The following ELOVL6 variants were observed in gnomAD, a reference collection of about 807,000 sequenced individuals.
The protein encoded by ELOVL6 is ELOVL fatty acid elongase 6.
Under a neutral mutation model 31.7 loss-of-function variants are expected in ELOVL6, and 8 were observed. The ratio of observed to expected loss-of-function variants is 0.25; its 90% CI spans 0.15 to 0.45. The LOEUF (loss-of-function observed/expected upper bound fraction) is 0.45. Ranked by LOEUF, ELOVL6 falls within the 20% of genes least tolerant of loss-of-function variation. ELOVL6 has a pLI of 1.00. For missense variants in ELOVL6, 126 were observed against 326.4 expected (o/e 0.39, Z 4.73); for synonymous variants, 101 against 117.7 (o/e 0.86, Z 0.92).
intron 1 of ELOVL6, among the ~76,000 whole-genome samples, chr4:110,164,284 G>A (rs1325646397): frequency 6.6e-6 from 1 of 152,186 alleles, no homozygotes; most frequent in Non-Finnish European, 1.5e-5. Flanking sequence ...ACAGGTCCCA[G>A]AGTTTGATAC....
chr4:110,184,184 C>T (rs965257671), intron 1 of ELOVL6, among the ~76,000 whole-genome samples: 1 of 152,134 alleles, frequency 6.6e-6, no homozygotes, highest in Non-Finnish European at 1.5e-5. Context: ...AGGGACTGGA[C>T]AATCTCCCAT....
intron 1 of ELOVL6, among the ~76,000 whole-genome samples, chr4:110,182,925 A>G (rs1759332644): frequency 6.6e-6 from 1 of 152,010 alleles, no homozygotes; most frequent in Non-Finnish European, 1.5e-5. Flanking sequence ...AAAAATGAAA[A>G]CTGGAACAGC....
chr4:110,083,050 TTG>T (rs1216911425), intron 2 of ELOVL6, among the ~76,000 whole-genome samples: 10 of 151,746 alleles, frequency 6.6e-5, no homozygotes, highest in African/African-American at 2.4e-4. Context: ...TTTAATTAGG[TTG>T]TTTCTCTCTG....
intron 1 of ELOVL6, among the ~76,000 whole-genome samples, chr4:110,122,651 T>A (rs1361556735): frequency 1.3e-5 from 2 of 152,192 alleles, no homozygotes; most frequent in Non-Finnish European, 2.9e-5. Context: ...GTGCTGGGAT[T>A]ACAGGTGTGA....
At chr4:110,094,422 TATATATATATATATATATATA>T (rs1313710358) in intron 2 of ELOVL6, among the ~76,000 whole-genome samples, 1 of 61,178 alleles carries the variant, frequency 1.6e-5, no homozygotes, top group African/African-American at 6.1e-5. Context: ...TATATATATA[TATATATATATATATATATATA>T]ATATATATAA....
intron 1 of ELOVL6, among the ~76,000 whole-genome samples, chr4:110,129,301 G>C (rs922775214): frequency 6.6e-6 from 1 of 152,122 alleles, no homozygotes; most frequent in South Asian, 2.1e-4. Flanking sequence ...TGAGAAACAG[G>C]GTGTTCCCTA....
intron 2 of ELOVL6, 109 bp downstream of exon 2, chr4:110,105,388 A>G: frequency 8.6e-7 from 1 of 1,161,980 alleles, no homozygotes; most frequent in South Asian, 1.5e-5. Flanking sequence ...TGTCCTCATC[A>G]TATTCAATAA....
Position 110,047,688 on chromosome 4 carries a change from G to A in ELOVL6, c.*3650C>T, listed in dbSNP as rs1292754586. ...GTGGATCCCCTGAGGTCAGGAGCTC[G>A]AGACCAGCCTGGCCAACATGGTGAA... On this transcript the variant is annotated 3_prime_UTR_variant, in exon 4 of 4. Coordinates refer to ENST00000302274, the MANE Select transcript of ELOVL6 (RefSeq NM_024090.3). 1.3e-5 allele frequency: 2 copies of A among 152,086 alleles called. No individual in the cohort carries two copies. The highest frequency in any genetic ancestry group is 1.5e-5 in the Non-Finnish European group (1 of 68,056). 9.4% of individuals were successfully genotyped at this position (152,086 alleles called of 1,614,324 possible). A position where few individuals can be genotyped will look rare whatever the true frequency, so the allele number is the denominator to read the frequency against.
chr4:110,102,568 A>G (rs1056990449), intron 2 of ELOVL6, among the ~76,000 whole-genome samples: 2 of 152,034 alleles, frequency 1.3e-5, no homozygotes, highest in Non-Finnish European at 2.9e-5. Context: ...CTAAGTTAGT[A>G]GGATCACTTG....
At position 110,051,413 on chromosome 4, in the gene ELOVL6, G is replaced by A. The variant is rs1209061330; in HGVS notation, c.723C>T (p.Ser241=). The A allele has an allele frequency of 6.2e-7, 1 of 1,614,214 alleles. No homozygotes were observed. The highest frequency in any genetic ancestry group is 8.5e-7 in the Non-Finnish European group (1 of 1,180,030). ...AGAAATGGCAGAAGAGCACAAGGTA[G>A]CTGAGGTACATGAGTGAGGACCAGA... The part of the protein sequence containing the change: ...NIFWSSLMYL[S]YLVLFCHFFF... The change falls in exon 4 of 4, where the codon AGC becomes AGT. Residue 241 remains serine, a synonymous_variant. Transcript: ENST00000302274. The surrounding 1 kb of genome is among the most constrained non-coding windows in gnomAD (Gnocchi z 4.8).
chr4:110,059,469 A>T (rs1412423843), intron 3 of ELOVL6, 134 bp downstream of exon 3: 3 of 873,866 alleles, frequency 3.4e-6, no homozygotes, highest in Non-Finnish European at 5.2e-6. Context: ...GTCAGGCAAG[A>T]ACTCAAATTC....
rs934374838 is a variant in ELOVL6, at chr4:110,048,907, T to C, written c.*2431A>G. On this transcript the variant is annotated 3_prime_UTR_variant, in exon 4 of 4. Transcript: ENST00000302274. ...TTGGAAGCATCATTTAGAGTCTTTTTAAGGTTTATGCTCACTTCCGTTTCT... is the reference window on the plus strand; with the variant it reads ...TTGGAAGCATCATTTAGAGTCTTTTCAAGGTTTATGCTCACTTCCGTTTCT... The C allele has an allele frequency of 7.2e-5, 11 of 152,236 alleles. No individual in the cohort carries two copies. Among genetic ancestry groups the C allele is most frequent in the African/African-American group, 2.4e-4 (10 of 41,462 alleles). The allele number at this position is 152,236 out of a possible 1,614,324, so 9.4% of individuals were successfully genotyped here. A position where few individuals can be genotyped will look rare whatever the true frequency, so the allele number is the denominator to read the frequency against.
At chr4:110,087,387 G>C (rs951337363) in intron 2 of ELOVL6, among the ~76,000 whole-genome samples, 1 of 152,064 alleles carries the variant, frequency 6.6e-6, no homozygotes, top group African/African-American at 2.4e-5. Context: ...TCACTTCTGA[G>C]GAAATTACTG....
chr4:110,083,985 T>A, intron 2 of ELOVL6, among the ~76,000 whole-genome samples: 1 of 74,300 alleles, frequency 1.3e-5, no homozygotes, highest in Non-Finnish European at 2.7e-5. Flanking sequence ...ATATGCCATA[T>A]ACGATATATA....
chr4:110,117,903 A>AAAAAAAAATATATATATATATATAT, intron 1 of ELOVL6: 2 of 6,494 alleles, frequency 3.1e-4, no homozygotes, highest in Non-Finnish European at 3.7e-4. Context: ...AAAAAAAAAA[A>AAAAAAAAATATATATATATATATAT]ATATATATAT....
intron 1 of ELOVL6, among the ~76,000 whole-genome samples, chr4:110,164,547 T>A (rs1242352652): frequency 6.6e-6 from 1 of 151,820 alleles, no homozygotes; most frequent in Non-Finnish European, 1.5e-5. Flanking sequence ...AGAAACAAGC[T>A]GAGGCAACGT....
intron 1 of ELOVL6, chr4:110,117,866 A>G (rs1462866245): frequency 2.5e-5 from 2 of 79,582 alleles, no homozygotes; most frequent in Admixed American, 1.5e-4. Flanking sequence ...TGGGCAACAG[A>G]GTGAGACTCT....
intron 1 of ELOVL6, among the ~76,000 whole-genome samples, chr4:110,141,836 C>T (rs1203511071): frequency 1.7e-5 from 2 of 119,538 alleles, no homozygotes; most frequent in Non-Finnish European, 3.5e-5. Context: ...TATATATATA[C>T]ACTAACACAA....
At chr4:110,064,781 C>G (rs372281833) in intron 2 of ELOVL6, among the ~76,000 whole-genome samples, 14 of 152,196 alleles carry the variant, frequency 9.2e-5, no homozygotes, top group African/African-American at 1.4e-4. Flanking sequence ...AGCTACTGCA[C>G]CTGGCCTCGA....
Sources: gnomAD v4.1 joint callset for allele counts (sites outside exome capture counted in the v4.1 genomes callset) on GRCh38, gnomAD v4.1.1 for gene constraint, Gnocchi (gnomAD v3.1) non-coding constraint, MANE v1.5 for transcripts, NCBI Gene and HGNC (gene_info 2026-07-23, HGNC 2026-07-21) for gene names.